The following PTPRK variants were observed in gnomAD, a reference collection of about 807,000 sequenced individuals.
The protein encoded by PTPRK is protein tyrosine phosphatase receptor type K.
A neutral mutation model predicts 178.0 loss-of-function variants in PTPRK; 75 were observed. The ratio of observed to expected loss-of-function variants is 0.42; its 90% CI spans 0.35 to 0.51. PTPRK has a LOEUF of 0.51. Among genes scored for constraint, PTPRK ranks in the 20% least tolerant of loss-of-function variants. PTPRK has a pLI of 0.02. For synonymous variants in PTPRK, 637 were observed against 620.6 expected, an observed-to-expected ratio of 1.03 and a Z score of -0.39; for missense variants, 1,441 against 1,797.8, an observed-to-expected ratio of 0.80 and a Z score of 3.59.
chr6:128,313,946 T>C (rs1032264954), intron 3 of PTPRK, among the ~76,000 whole-genome samples: 4 of 152,320 alleles, frequency 2.6e-5, no homozygotes, highest in Admixed American at 2.0e-4. Flanking sequence ...TTTCCTCAGA[T>C]TGCAAAGCTC....
chr6:128,344,938 T>C (rs978784419), intron 2 of PTPRK, among the ~76,000 whole-genome samples: 2 of 151,800 alleles, frequency 1.3e-5, no homozygotes, highest in South Asian at 2.1e-4. Flanking sequence ...TTTGATTATA[T>C]GATAAAGGGT....
intron 1 of PTPRK, among the ~76,000 whole-genome samples, chr6:128,425,665 T>G (rs548056034): frequency 6.6e-6 from 1 of 152,264 alleles, no homozygotes; most frequent in South Asian, 2.1e-4. Flanking sequence ...TACTATTGGA[T>G]GCATCCCTAC....
intron 2 of PTPRK, among the ~76,000 whole-genome samples, chr6:128,386,054 A>G (rs1483169679): frequency 6.6e-6 from 1 of 152,200 alleles, no homozygotes; most frequent in East Asian, 1.9e-4. Context: ...TGATTGGTAT[A>G]TATAATAATA....
At chr6:128,403,983 G>A (rs72974046) in intron 1 of PTPRK, among the ~76,000 whole-genome samples, 8,531 of 152,236 alleles carry the variant, frequency 0.056, 280 homozygotes, top group Non-Finnish European at 0.068. Flanking sequence ...AGCTATGGCT[G>A]TACTTGAATA....
At chr6:127,999,000 C>A in intron 15 of PTPRK, 96 bp from the exon 16 acceptor site, 1 of 1,054,058 alleles carries the variant, frequency 9.5e-7, no homozygotes, top group Non-Finnish European at 1.3e-6. Context: ...ACCTTAAGAT[C>A]TTTCTGATAA....
In PTPRK at chr6:128,106,643, C is replaced by T. The variant is rs139589651; in HGVS notation, c.1163-16651G>A. ...AAACCAAATCCCTTGGGCCTACCCACTCATTTTCATACATGAATGCAAACT... is the reference window on the plus strand; with the variant it reads ...AAACCAAATCCCTTGGGCCTACCCATTCATTTTCATACATGAATGCAAACT... On this transcript the variant is annotated intron_variant, in intron 7 of 29. Coordinates refer to ENST00000368226, the MANE Select transcript of PTPRK (RefSeq NM_002844.4). 1.8e-3 allele frequency among the ~76,000 whole-genome samples: 269 copies of T among 152,292 alleles called. 1 individual carries two copies. The highest frequency in any genetic ancestry group is 6.2e-3 in the African/African-American group (256 of 41,594).
chr6:128,508,981 G>A (rs1014669026), intron 1 of PTPRK, among the ~76,000 whole-genome samples: 1 of 151,172 alleles, frequency 6.6e-6, no homozygotes, highest in Non-Finnish European at 1.5e-5. Flanking sequence ...AAAAGAAAAC[G>A]AAAAAATTTC....
Position 128,240,159 on chromosome 6 carries a change from G to T in PTPRK, c.578-9C>A. Reference sequence around the variant, plus strand: ...GAAATGAGGAGATTTATCTGTGAAGGAAGGGAAAAAAAAATGTATTTGTTT... The same window carrying T: ...GAAATGAGGAGATTTATCTGTGAAGTAAGGGAAAAAAAAATGTATTTGTTT... On this transcript the variant is annotated splice_polypyrimidine_tract_variant and intron_variant, in intron 4 of 29. Transcript: ENST00000368226. 1 of 1,563,990 alleles carries T rather than the reference G, an allele frequency of 6.4e-7. No homozygotes were observed. The highest frequency in any genetic ancestry group is 8.7e-7 in the Non-Finnish European group (1 of 1,147,588).
At chr6:128,161,167 A>G (rs1216822493) in intron 7 of PTPRK, among the ~76,000 whole-genome samples, 1 of 151,778 alleles carries the variant, frequency 6.6e-6, no homozygotes, top group Non-Finnish European at 1.5e-5. Flanking sequence ...ATATTTTGAA[A>G]CAATTTGTTT....
chr6:128,235,480 G>A, intron 5 of PTPRK: 3 of 358,600 alleles, frequency 8.4e-6, no homozygotes, highest in South Asian at 6.6e-5. Flanking sequence ...CTTTATCATA[G>A]CTTCAAGTTA....
chr6:128,239,473 T>C (rs1278124101), intron 5 of PTPRK, among the ~76,000 whole-genome samples: 1 of 152,172 alleles, frequency 6.6e-6, no homozygotes, highest in African/African-American at 2.4e-5. Flanking sequence ...CCATTTACAG[T>C]TCCCCAACAT....
Position 128,173,091 on chromosome 6 carries a change from T to C in PTPRK, c.1162+11341A>G, listed in dbSNP as rs35811045. 5.7e-3 allele frequency among the ~76,000 whole-genome samples: 865 copies of C among 152,076 alleles called. 5 individuals carry two copies. The highest frequency in any genetic ancestry group is 0.01 in the Non-Finnish European group (691 of 67,928). ...TGCAAGTATGCCTGGGATTGGATGA[T>C]AAAAACCAACAGTAAACTACATTTG... On this transcript the variant is annotated intron_variant, in intron 7 of 29. Transcript: ENST00000368226.
In PTPRK at chr6:128,432,247, G is replaced by T. The variant is rs1395328123; in HGVS notation, c.101-34559C>A. 2.6e-5 allele frequency among the ~76,000 whole-genome samples: 4 copies of T among 152,262 alleles called. No homozygotes were observed. In the Middle Eastern group the frequency reaches 0.01, roughly 388 times the overall value. ...TAACTTCTTATTGTACGAATATTTG[G>T]ATATACTTTAAATAGGATTCCATTT... On this transcript the variant is annotated intron_variant, in intron 1 of 29. Transcript: ENST00000368226.
chr6:128,489,248 GA>G (rs1463409497), intron 1 of PTPRK, among the ~76,000 whole-genome samples: 1 of 152,128 alleles, frequency 6.6e-6, no homozygotes, highest in Non-Finnish European at 1.5e-5. Flanking sequence ...TTTGAATAAG[GA>G]ACATGTTTTT....
At chr6:128,076,809 A>G (rs937178627) in intron 11 of PTPRK, among the ~76,000 whole-genome samples, 5 of 152,062 alleles carry the variant, frequency 3.3e-5, no homozygotes, top group Non-Finnish European at 5.9e-5. Flanking sequence ...AAAATTCCTG[A>G]ACACCAGCTA....
At chr6:128,271,190 A>G (rs1434872308) in intron 3 of PTPRK, among the ~76,000 whole-genome samples, 3 of 152,154 alleles carry the variant, frequency 2.0e-5, no homozygotes, top group East Asian at 1.9e-4. Flanking sequence ...TCTGTAGTCA[A>G]TCCAAGGTAA....
intron 1 of PTPRK, among the ~76,000 whole-genome samples, chr6:128,479,226 TG>T (rs1851746688): frequency 6.6e-6 from 1 of 152,132 alleles, no homozygotes; most frequent in Admixed American, 6.6e-5. Flanking sequence ...TGTATGATTC[TG>T]GTGCAAAGTT....
intron 1 of PTPRK, among the ~76,000 whole-genome samples, chr6:128,466,505 T>C (rs143128028): frequency 1.3e-5 from 2 of 152,310 alleles, no homozygotes; most frequent in Admixed American, 6.5e-5. Context: ...GGGTAACAAC[T>C]GTAAGTAGAT....
At chr6:128,001,067 C>T (rs950535015) in intron 15 of PTPRK, 4 of 645,748 alleles carry the variant, frequency 6.2e-6, no homozygotes, top group Non-Finnish European at 9.8e-6. Flanking sequence ...CCTCATTAAA[C>T]CACCTAATAA....
Sources: allele counts gnomAD v4.1 joint callset (sites outside exome capture counted in the v4.1 genomes callset), GRCh38; gene constraint gnomAD v4.1.1; transcripts MANE v1.5; gene names NCBI Gene and HGNC (gene_info 2026-07-23, HGNC 2026-07-21).